Variants in CPNE5 observed in about 807,000 individuals in gnomAD.
CPNE5 encodes the protein copine 5.
In CPNE5, 42 loss-of-function variants were observed where a neutral mutation model predicts 81.1. That is an observed-to-expected ratio of 0.52 (90% CI 0.40 to 0.67). The LOEUF (loss-of-function observed/expected upper bound fraction) is 0.67, where lower values mean the gene tolerates loss of function less well. CPNE5 is among the 30% of genes least tolerant of loss of function. The pLI is 0.00. For synonymous variants in CPNE5, 313 were observed against 321.5 expected, an observed-to-expected ratio of 0.97 and a Z score of 0.28; for missense variants, 612 against 815.5, an observed-to-expected ratio of 0.75 and a Z score of 3.04.
chr6:36,815,717 G>A (rs1329813524), intron 3 of CPNE5, among the ~76,000 whole-genome samples: 9 of 152,228 alleles, frequency 5.9e-5, no homozygotes, highest in South Asian at 2.1e-4. Context: ...AAGTTGCCCC[G>A]AGGAAGATCA....
At chr6:36,743,973 C>T (rs2096755474) in intron 19 of CPNE5, among the ~76,000 whole-genome samples, 1 of 152,240 alleles carries the variant, frequency 6.6e-6, no homozygotes, top group Non-Finnish European at 1.5e-5. Flanking sequence ...CTTTGGTTCA[C>T]CACCCTCCCC....
chr6:36,754,196 G>T (rs1179460251), intron 13 of CPNE5: 1 of 148,360 alleles, frequency 6.7e-6, no homozygotes, highest in Non-Finnish European at 1.5e-5. Context: ...GGGGCTACAT[G>T]AATGTTTCAG....
At position 36,746,225 on chromosome 6, in the gene CPNE5, G is replaced by C. The variant is rs978150658; in HGVS notation, c.1200+171C>G. The C allele has an allele frequency of 2.0e-6, 2 of 985,202 alleles. No individual in the cohort carries two copies. The allele number at this position is 985,202 out of a possible 1,614,324, so 61.0% of individuals were successfully genotyped here. A position where few individuals can be genotyped will look rare whatever the true frequency, so the allele number is the denominator to read the frequency against. ...CATGGAGGGGCAGCATCTGTGATCA[G>C]GGAAGGGAGTGGATTTCTGGAGCCC... On this transcript the variant is annotated intron_variant, in intron 16 of 20. Coordinates refer to ENST00000244751, the MANE Select transcript of CPNE5 (RefSeq NM_020939.2). This position sits in a 1 kb window ranked among gnomAD's most constrained non-coding sequence, Gnocchi z 4.5.
rs147102369 is a variant in CPNE5 at position 36,816,578 on chromosome 6, T to C, written c.183+5536A>G. On this transcript the variant is annotated intron_variant, in intron 3 of 20. Coordinates refer to ENST00000244751, the MANE Select transcript of CPNE5 (RefSeq NM_020939.2). ...AAGATTCTGGTAACAGAGAGGTGAT[T>C]TGTTCCTGAAGGGCAATGAACTAGA... 9.9e-4 allele frequency among the ~76,000 whole-genome samples: 151 copies of C among 152,344 alleles called. No homozygotes were observed. The South Asian group carries it at 0.013, about 13-fold the overall frequency.
At chr6:36,763,459 C>T (rs1766248855) in intron 11 of CPNE5, among the ~76,000 whole-genome samples, 1 of 152,000 alleles carries the variant, frequency 6.6e-6, no homozygotes. Context: ...AAAAATTAGC[C>T]AGGCGTGGTG....
rs115256611 is a variant in CPNE5 at position 36,807,650 on chromosome 6, C to T, written c.184-7580G>A. 1.6e-3 allele frequency among the ~76,000 whole-genome samples: 245 copies of T among 152,156 alleles called. 2 individuals carry two copies. Among genetic ancestry groups the T allele is most frequent in the African/African-American group, 5.4e-3 (224 of 41,498 alleles). On this transcript the variant is annotated intron_variant, in intron 3 of 20. Transcript: ENST00000244751. Reference sequence around the variant, plus strand: ...CATCTTCCACACCTGAGAGGGTTTTCGTCCTCCATCTAAAGGGGTCTCCCG... The same window carrying T: ...CATCTTCCACACCTGAGAGGGTTTTTGTCCTCCATCTAAAGGGGTCTCCCG...
chr6:36,800,203 C>T, intron 3 of CPNE5, 133 bp from the exon 4 acceptor site: 1 of 616,242 alleles, frequency 1.6e-6, no homozygotes. Context: ...TCTCCAGGCT[C>T]CTGACATCCA....
At chr6:36,808,967 T>A (rs236394) in intron 3 of CPNE5, among the ~76,000 whole-genome samples, 83,471 of 152,014 alleles carry the variant, frequency 0.55, 24,079 homozygotes, top group African/African-American at 0.73. Flanking sequence ...ATAGTCACTA[T>A]TCAGTAAGAG....
chr6:36,817,652 C>A (rs1159544072), intron 3 of CPNE5, among the ~76,000 whole-genome samples: 2 of 152,202 alleles, frequency 1.3e-5, no homozygotes, highest in Admixed American at 1.3e-4. Context: ...CCCAGCCTTT[C>A]CCCACACTGC....
intron 1 of CPNE5, among the ~76,000 whole-genome samples, chr6:36,832,013 G>A (rs573210804): frequency 1.3e-5 from 2 of 152,310 alleles, no homozygotes; most frequent in South Asian, 4.1e-4. Context: ...TGAGGTCTGT[G>A]TGAGGCCAGC....
At chr6:36,805,620 A>T (rs1252023055) in intron 3 of CPNE5, among the ~76,000 whole-genome samples, 3 of 152,120 alleles carry the variant, frequency 2.0e-5, no homozygotes, top group African/African-American at 4.8e-5. Flanking sequence ...GCTGAGTGAC[A>T]GGGGAGGTGA....
At chr6:36,749,282 C>T (rs1429373088) in intron 14 of CPNE5, among the ~76,000 whole-genome samples, 3 of 152,060 alleles carry the variant, frequency 2.0e-5, no homozygotes, top group Non-Finnish European at 2.9e-5. Flanking sequence ...TGTTAGCAAG[C>T]CATTCAGGTG....
At chr6:36,821,340 G>A (rs949529758) in intron 3 of CPNE5, among the ~76,000 whole-genome samples, 1 of 152,144 alleles carries the variant, frequency 6.6e-6, no homozygotes, top group African/African-American at 2.4e-5. Context: ...TGAAGGGACG[G>A]TGCTTTTGCA....
At chr6:36,760,913 C>A (rs1765961914) in intron 12 of CPNE5, among the ~76,000 whole-genome samples, 1 of 152,218 alleles carries the variant, frequency 6.6e-6, no homozygotes, top group South Asian at 2.1e-4. Context: ...CAGCCTCCCC[C>A]TGGGACTGCC....
intron 3 of CPNE5, among the ~76,000 whole-genome samples, chr6:36,805,602 G>A (rs1190538297): frequency 6.6e-6 from 1 of 152,136 alleles, no homozygotes; most frequent in African/African-American, 2.4e-5. Context: ...ATGAAAACTG[G>A]GCAGGAGGCT....
At position 36,746,249 on chromosome 6, in the gene CPNE5, C is replaced by T; in HGVS notation, c.1200+147G>A. 1.4e-6 allele frequency: 2 copies of T among 1,385,766 alleles called. No homozygotes were observed. The highest frequency in any genetic ancestry group is 1.9e-6 in the Non-Finnish European group (2 of 1,075,670). The allele number at this position is 1,385,766 out of a possible 1,614,324, so 85.8% of individuals were successfully genotyped here. On this transcript the variant is annotated intron_variant, in intron 16 of 20. Coordinates refer to ENST00000244751, the MANE Select transcript of CPNE5 (RefSeq NM_020939.2). This position sits in a 1 kb window ranked among gnomAD's most constrained non-coding sequence, Gnocchi z 4.5. ...AGGGAAGGGAGTGGATTTCTGGAGC[C>T]CCCCTACACACAGCAGGCAGTCTAC... is the stretch of plus-strand genomic sequence containing the variant.
intron 8 of CPNE5, among the ~76,000 whole-genome samples, chr6:36,790,375 C>A (rs34901271): frequency 0.041 from 6,278 of 152,096 alleles, 423 homozygotes; most frequent in African/African-American, 0.14. Flanking sequence ...CCGAGGGATC[C>A]GTGGGGTCAA....
intron 3 of CPNE5, among the ~76,000 whole-genome samples, chr6:36,811,111 C>T (rs1771064125): frequency 6.6e-6 from 1 of 152,210 alleles, no homozygotes; most frequent in African/African-American, 2.4e-5. Flanking sequence ...TACCAATGAG[C>T]CTGGCTGCCA....
intron 3 of CPNE5, 123 bp downstream of exon 3, chr6:36,821,991 A>G: frequency 1.2e-6 from 1 of 827,158 alleles, no homozygotes; most frequent in East Asian, 2.9e-5. Context: ...ACACCTTACT[A>G]GCCTTCAGCG....
Sources: gnomAD v4.1 joint callset for allele counts (sites outside exome capture counted in the v4.1 genomes callset) on GRCh38, gnomAD v4.1.1 for gene constraint, Gnocchi (gnomAD v3.1) non-coding constraint, MANE v1.5 for transcripts, NCBI Gene and HGNC (gene_info 2026-07-23, HGNC 2026-07-21) for gene names.